EVA1C: variants seen among roughly 807,000 people sequenced by gnomAD.
EVA1C encodes protein eva-1 homolog C.
In EVA1C, 25 loss-of-function variants were observed where a neutral mutation model predicts 45.4. The ratio of observed to expected loss-of-function variants is 0.55; its 90% confidence interval spans 0.40 to 0.77. The LOEUF is 0.77. Among genes scored for constraint, EVA1C ranks in the 30% least tolerant of loss-of-function variants. EVA1C has a pLI of 0.00. For missense variants in EVA1C, 479 were observed against 554.8 expected, an observed-to-expected ratio of 0.86 and a Z score of 1.37; for synonymous variants, 190 against 221.2, an observed-to-expected ratio of 0.86 and a Z score of 1.25.
At chr21:32,470,732 C>T (rs1013613220) in intron 4 of EVA1C, among the ~76,000 whole-genome samples, 15 of 151,134 alleles carry the variant, frequency 9.9e-5, no homozygotes, top group African/African-American at 3.2e-4. Flanking sequence ...GTGGCCTCAG[C>T]TATCTTTCTT....
At chr21:32,458,970 C>T (rs536427799) in intron 3 of EVA1C, among the ~76,000 whole-genome samples, 2 of 152,148 alleles carry the variant, frequency 1.3e-5, no homozygotes, top group African/African-American at 4.8e-5. Flanking sequence ...GAAACCCCCC[C>T]GATCTCTTCA....
rs1404655939 is a variant in EVA1C at position 32,453,162 on chromosome 21, C to T, written c.161-150C>T. On this transcript the variant is annotated intron_variant, in intron 1 of 7. Coordinates refer to ENST00000300255, the MANE Select transcript of EVA1C (RefSeq NM_058187.5). Reference sequence around the variant, plus strand: ...CCCACCTCTGGGCCTGGTTTGGTGACCTCTGCACCAGAGCTGCTAGGGAGG... The same window carrying T: ...CCCACCTCTGGGCCTGGTTTGGTGATCTCTGCACCAGAGCTGCTAGGGAGG... 1.6e-5 allele frequency: 9 copies of T among 562,284 alleles called. 1 individual carries two copies. Among genetic ancestry groups the T allele is most frequent in the Non-Finnish European group, 2.9e-5 (9 of 307,132 alleles). The allele number at this position is 562,284 out of a possible 1,614,324, so 34.8% of individuals were successfully genotyped here. A position where few individuals can be genotyped will look rare whatever the true frequency, so the allele number is the denominator to read the frequency against.
chr21:32,422,044 C>CAA lies in EVA1C; in HGVS notation c.160+9049_160+9050dup, dbSNP rs57794940. On this transcript the variant is annotated intron_variant, in intron 1 of 7. Transcript: ENST00000300255. ...TGGGCAACAGAGCAAGACCCTGTCT[C>CAA]AAAAAAAAAAAAAAAAAAAGAGGGA... Among the ~76,000 whole-genome samples the CAA allele has an allele frequency of 5.4e-3, 497 of 92,268 alleles. 9 individuals carry two copies. Among genetic ancestry groups the CAA allele is most frequent in the South Asian group, 6.3e-3 (16 of 2,548 alleles). The allele number at this position is 92,268 out of a possible 152,430, so 60.5% of individuals were successfully genotyped here. A position where few individuals can be genotyped will look rare whatever the true frequency, so the allele number is the denominator to read the frequency against.
Position 32,412,836 on chromosome 21 carries a change from C to G in EVA1C, c.-18C>G. The G allele has an allele frequency of 7.1e-7, 1 of 1,416,266 alleles. No individual in the cohort carries two copies. The highest frequency in any genetic ancestry group is 9.1e-7 in the Non-Finnish European group (1 of 1,093,190). 87.7% of individuals were successfully genotyped at this position (1,416,266 alleles called of 1,614,324 possible). ...GCGCGTCCCGGGCCTGCGCCTCCGC[C>G]CCGCCGCGCAGCGCACGATGCTTCT... On this transcript the variant is annotated 5_prime_UTR_variant, in exon 1 of 8. Transcript: ENST00000300255.
intron 4 of EVA1C, among the ~76,000 whole-genome samples, chr21:32,482,912 A>C (rs1238665209): frequency 0.013 from 3 of 234 alleles, no homozygotes; most frequent in Non-Finnish European, 9.8e-3. Context: ...GCTGGAGTGC[A>C]ATGGCACGAT....
At chr21:32,448,781 T>G (rs1464351640) in intron 1 of EVA1C, among the ~76,000 whole-genome samples, 3 of 151,772 alleles carry the variant, frequency 2.0e-5, no homozygotes, top group Non-Finnish European at 4.4e-5. Flanking sequence ...TGGTGGTGCA[T>G]GCCTGTAATC....
At chr21:32,451,200 T>C (rs538424639) in intron 1 of EVA1C, among the ~76,000 whole-genome samples, 28 of 152,224 alleles carry the variant, frequency 1.8e-4, no homozygotes, top group Admixed American at 3.9e-4. Context: ...TAAACAGGAA[T>C]ACTTTACACA....
chr21:32,420,562 G>A (rs571930683), intron 1 of EVA1C, among the ~76,000 whole-genome samples: 3 of 151,332 alleles, frequency 2.0e-5, no homozygotes, highest in Non-Finnish European at 2.9e-5. Context: ...ATTTTTTTTG[G>A]CATTTTTTTT....
intron 3 of EVA1C, among the ~76,000 whole-genome samples, chr21:32,466,085 C>T (rs771373857): frequency 6.7e-6 from 1 of 149,170 alleles, no homozygotes; most frequent in African/African-American, 2.5e-5. Flanking sequence ...CATACCTACG[C>T]AGTCTTTTGT....
chr21:32,442,841 C>T (rs1047570521), intron 1 of EVA1C, among the ~76,000 whole-genome samples: 29 of 151,938 alleles, frequency 1.9e-4, no homozygotes, highest in African/African-American at 7.0e-4. Context: ...ACTCAGGCAA[C>T]GTCAACCCTC....
intron 4 of EVA1C, among the ~76,000 whole-genome samples, chr21:32,487,623 A>T (rs964020671): frequency 1.3e-5 from 2 of 152,000 alleles, no homozygotes; most frequent in Admixed American, 6.6e-5. Context: ...CGGGAAGCTG[A>T]GACAGAGAAT....
chr21:32,480,662 T>C (rs2036747256), intron 4 of EVA1C, among the ~76,000 whole-genome samples: 1 of 151,350 alleles, frequency 6.6e-6, no homozygotes, highest in Non-Finnish European at 1.5e-5. Flanking sequence ...AGCAAGACCT[T>C]GTCTCAAAAA....
chr21:32,426,552 A>G (rs1371449297), intron 1 of EVA1C, among the ~76,000 whole-genome samples: 1 of 151,906 alleles, frequency 6.6e-6, no homozygotes, highest in Non-Finnish European at 1.5e-5. Context: ...ACTCACATAC[A>G]GACAGCTTGG....
intron 1 of EVA1C, among the ~76,000 whole-genome samples, chr21:32,417,005 G>A (rs1307109616): frequency 6.6e-6 from 1 of 152,148 alleles, no homozygotes; most frequent in Non-Finnish European, 1.5e-5. Flanking sequence ...GCCCAGGCCC[G>A]AGTGCAGTGG....
intron 1 of EVA1C, among the ~76,000 whole-genome samples, chr21:32,445,943 T>C (rs1445015881): frequency 6.6e-6 from 1 of 152,034 alleles, no homozygotes; most frequent in Non-Finnish European, 1.5e-5. Context: ...GTGAAGCTGA[T>C]AAAAAAGAGT....
intron 7 of EVA1C, among the ~76,000 whole-genome samples, chr21:32,513,551 C>CTTTTTTTTTT (rs1165725714): frequency 3.7e-5 from 4 of 106,778 alleles, no homozygotes; most frequent in Non-Finnish European, 5.3e-5. Context: ...TTTTTCTTTT[C>CTTTTTTTTTT]TTTTTTTTTT....
intron 1 of EVA1C, among the ~76,000 whole-genome samples, chr21:32,444,879 C>T (rs1415498011): frequency 6.7e-6 from 1 of 149,740 alleles, no homozygotes; most frequent in African/African-American, 2.4e-5. Flanking sequence ...TGGAAGGAAA[C>T]ACGTGAAAGA....
In EVA1C at chr21:32,416,628, C is replaced by G. The variant is rs80010830; in HGVS notation, c.160+3615C>G. 4.5e-3 allele frequency among the ~76,000 whole-genome samples: 678 copies of G among 152,286 alleles called. 8 individuals carry two copies. The highest frequency in any genetic ancestry group is 0.026 in the Admixed American group (394 of 15,294). On this transcript the variant is annotated intron_variant, in intron 1 of 7. Transcript: ENST00000300255. ...ATAGGCATGAGCCACCGCACCCAGC[C>G]TCTCCTTTTCTTTTTCTTTTGTTTC...
chr21:32,433,651 G>T (rs570413382), intron 1 of EVA1C, among the ~76,000 whole-genome samples: 2 of 143,078 alleles, frequency 1.4e-5, no homozygotes, highest in South Asian at 2.2e-4. Context: ...AAAACAACTC[G>T]TGGAGGTCGT....
Sources: allele counts gnomAD v4.1 joint callset (sites outside exome capture counted in the v4.1 genomes callset), GRCh38; gene constraint gnomAD v4.1.1; transcripts MANE v1.5; gene names NCBI Gene and HGNC (gene_info 2026-07-23, HGNC 2026-07-21).